AGBL1: variants seen among roughly 807,000 people sequenced by gnomAD.
AGBL1 encodes AGBL carboxypeptidase 1.
Under a neutral mutation model 118.9 loss-of-function variants are expected in AGBL1, and 130 were observed. The observed-to-expected ratio is 1.09, with a 90% CI of 0.95 to 1.26. AGBL1 has a LOEUF of 1.26. Among genes scored for constraint, AGBL1 ranks in the 50% most tolerant of loss-of-function variants. The probability of loss-of-function intolerance (pLI) is 0.00; values close to 1 mark genes in which losing one functional copy is unlikely to be tolerated. For synonymous variants in AGBL1, 555 were observed against 478.9 expected (o/e 1.16, Z -2.08); for missense variants, 1,584 against 1,298.1 (o/e 1.22, Z -3.38).
At chr15:86,815,537 A>G (rs1010407436) in intron 22 of AGBL1, among the ~76,000 whole-genome samples, 1 of 152,166 alleles carries the variant, frequency 6.6e-6, no homozygotes, top group African/African-American at 2.4e-5. Context: ...CAGGATCACC[A>G]CATTGATGAA....
intron 22 of AGBL1, among the ~76,000 whole-genome samples, chr15:86,768,372 T>C (rs1421376446): frequency 1.3e-5 from 2 of 152,006 alleles, no homozygotes; most frequent in Non-Finnish European, 2.9e-5. Flanking sequence ...ATTACTGCTA[T>C]AGCCCGCAAG....
At chr15:86,522,240 T>C (rs2083198700) in intron 18 of AGBL1, among the ~76,000 whole-genome samples, 1 of 152,172 alleles carries the variant, frequency 6.6e-6, no homozygotes, top group Admixed American at 6.5e-5. Flanking sequence ...TCTTGGTAAA[T>C]GTCAAGCAGT....
chr15:86,826,680 T>C (rs2079016168), intron 22 of AGBL1, among the ~76,000 whole-genome samples: 1 of 152,266 alleles, frequency 6.6e-6, no homozygotes, highest in Non-Finnish European at 1.5e-5. Context: ...GGGTCTACAC[T>C]GAGAGAGAAC....
At chr15:86,158,782 TATAGAGGAATGTG>T in intron 4 of AGBL1, 138 bp from the exon 5 acceptor site, 1 of 489,664 alleles carries the variant, frequency 2.0e-6, no homozygotes, top group Non-Finnish European at 3.4e-6. Flanking sequence ...AGAATGACAT[TATAGAGGAATGTG>T]CAACCAGGGT....
At chr15:86,731,561 C>G (rs190910755) in intron 22 of AGBL1, among the ~76,000 whole-genome samples, 7 of 152,318 alleles carry the variant, frequency 4.6e-5, no homozygotes, top group African/African-American at 1.4e-4. Context: ...CTATCTGATC[C>G]TGCAAAGCTA....
chr15:86,769,663 C>A (rs886504184), intron 22 of AGBL1, among the ~76,000 whole-genome samples: 2 of 152,002 alleles, frequency 1.3e-5, no homozygotes, highest in African/African-American at 4.8e-5. Context: ...CCATCCCCAT[C>A]GACATTGGTA....
intron 20 of AGBL1, among the ~76,000 whole-genome samples, chr15:86,549,564 G>C (rs186011910): frequency 2.6e-5 from 4 of 151,688 alleles, no homozygotes; most frequent in Non-Finnish European, 5.9e-5. Context: ...TAAAAAAAAA[G>C]TATAATCTAT....
At chr15:86,565,525 G>A (rs150959366) in intron 21 of AGBL1, among the ~76,000 whole-genome samples, 7 of 152,214 alleles carry the variant, frequency 4.6e-5, no homozygotes, top group South Asian at 2.1e-4. Context: ...GCCATGTGAC[G>A]TGTCAGTCTG....
chr15:86,690,286 G>GC (rs1043579730), intron 22 of AGBL1, among the ~76,000 whole-genome samples: 12 of 152,174 alleles, frequency 7.9e-5, no homozygotes, highest in African/African-American at 2.6e-4. Context: ...GATCACAGAT[G>GC]CCCCAAGATA....
intron 24 of AGBL1, among the ~76,000 whole-genome samples, chr15:87,020,001 G>C (rs2081646885): frequency 6.6e-6 from 1 of 151,884 alleles, no homozygotes; most frequent in African/African-American, 2.4e-5. Context: ...ACATAAACTA[G>C]AAAATCTAGA....
intron 23 of AGBL1, among the ~76,000 whole-genome samples, chr15:86,950,881 C>T (rs55650188): frequency 0.039 from 5,927 of 152,096 alleles, 159 homozygotes; most frequent in Middle Eastern, 0.071. Flanking sequence ...AAAAACACTA[C>T]AATCCCCTTA....
chr15:86,742,386 A>G (rs985154692), intron 22 of AGBL1, among the ~76,000 whole-genome samples: 1 of 152,182 alleles, frequency 6.6e-6, no homozygotes, highest in Admixed American at 6.6e-5. Flanking sequence ...AGAAGTGACT[A>G]AACTCTTCTT....
intron 3 of AGBL1, among the ~76,000 whole-genome samples, chr15:86,152,888 A>G (rs961596665): frequency 6.6e-6 from 1 of 152,248 alleles, no homozygotes; most frequent in East Asian, 1.9e-4. Flanking sequence ...ACATTTATGC[A>G]GCCAACAGAC....
intron 1 of AGBL1, among the ~76,000 whole-genome samples, chr15:86,134,728 C>G (rs1391248762): frequency 6.6e-6 from 1 of 151,200 alleles, no homozygotes; most frequent in Non-Finnish European, 1.5e-5. Flanking sequence ...ACTCTTCTGC[C>G]TCAGCCTCCC....
At chr15:86,298,261 A>ATATATATATATGGTAAC (rs2079682677) in intron 17 of AGBL1, among the ~76,000 whole-genome samples, 10 of 103,096 alleles carry the variant, frequency 9.7e-5, no homozygotes, top group African/African-American at 3.5e-4. Context: ...ATATATATAT[A>ATATATATATATGGTAAC]TATATATATA....
intron 24 of AGBL1, among the ~76,000 whole-genome samples, chr15:87,014,645 C>T (rs1190172825): frequency 6.6e-6 from 1 of 152,122 alleles, no homozygotes; most frequent in Non-Finnish European, 1.5e-5. Flanking sequence ...AAGGCAGAAT[C>T]AGAAGGAAGA....
chr15:86,926,494 T>C (rs2080541779), intron 23 of AGBL1, among the ~76,000 whole-genome samples: 1 of 152,132 alleles, frequency 6.6e-6, no homozygotes, highest in South Asian at 2.1e-4. Context: ...TTCAATGATA[T>C]CATGACCTTG....
At chr15:86,940,826 TTC>T (rs1407502488) in intron 23 of AGBL1, among the ~76,000 whole-genome samples, 3 of 152,230 alleles carry the variant, frequency 2.0e-5, no homozygotes, top group Non-Finnish European at 4.4e-5. Context: ...ATTGTTTTGT[TTC>T]TGTTTTCCTA....
rs72752110 is a variant in AGBL1, at chr15:86,191,641, T to C, written c.488+32615T>C. On this transcript the variant is annotated intron_variant, in intron 5 of 22. Transcript: ENST00000614907. ...CCAACCGTTGTGAATGACAGAAAAC[T>C]CTACCAGAGTGGCCTTAGAAATCCT... Among the ~76,000 whole-genome samples, 82 of 152,166 alleles carry C rather than the reference T, an allele frequency of 5.4e-4. 1 individual carries two copies. The highest frequency in any genetic ancestry group is 9.1e-4 in the Non-Finnish European group (62 of 67,974).
Sources: gnomAD v4.1 joint callset for allele counts (sites outside exome capture counted in the v4.1 genomes callset) on GRCh38, gnomAD v4.1.1 for gene constraint, MANE v1.5 for transcripts, NCBI Gene and HGNC (gene_info 2026-07-23, HGNC 2026-07-21) for gene names.